Variants in TUSC3 observed in about 807,000 individuals in gnomAD.
TUSC3 encodes tumor suppressor candidate 3.
In TUSC3, 45 loss-of-function variants were observed where a neutral mutation model predicts 44.8. The observed-to-expected ratio is 1.00, with a 90% CI of 0.79 to 1.29. TUSC3 has a LOEUF of 1.29. Among genes scored for constraint, TUSC3 ranks in the 50% most tolerant of loss-of-function variants. The pLI is 0.00. For synonymous variants in TUSC3, 212 were observed against 152.9 expected (o/e 1.39, Z -2.85); for missense variants, 519 against 437.9 (o/e 1.19, Z -1.65).
At chr8:15,761,036 A>G (rs1812150655) in intron 10 of TUSC3, among the ~76,000 whole-genome samples, 1 of 152,098 alleles carries the variant, frequency 6.6e-6, no homozygotes, top group Admixed American at 6.6e-5. Flanking sequence ...CAGTCATTTC[A>G]TTTTCTGCAA....
chr8:15,727,452 C>A (rs997084170), intron 6 of TUSC3, among the ~76,000 whole-genome samples: 3 of 152,076 alleles, frequency 2.0e-5, no homozygotes, highest in Admixed American at 6.6e-5. Context: ...CCTATAACTG[C>A]TGGATTTCTG....
At chr8:15,821,148 G>A in the TUSC3 span, among the ~76,000 whole-genome samples, 2 of 151,992 alleles carry the variant, frequency 1.3e-5, no homozygotes, top group South Asian at 2.1e-4. Flanking sequence ...TCTGAAAAAT[G>A]TTTATGATGT....
Position 15,711,081 on chromosome 8 carries a change from A to G in TUSC3, c.799-19585A>G, listed in dbSNP as rs151227499. On this transcript the variant is annotated intron_variant, in intron 6 of 10. Coordinates refer to ENST00000503731, the MANE Select transcript of TUSC3 (RefSeq NM_006765.4). ...TGTCTCTGATAATGTAGACATTAAA[A>G]CAGTAGTCCCCAAACTACTACCTCC... Among the ~76,000 whole-genome samples the G allele has an allele frequency of 4.2e-3, 630 of 151,708 alleles. 5 individuals are homozygous for G. Among genetic ancestry groups the G allele is most frequent in the African/African-American group, 0.014 (597 of 41,450 alleles).
the TUSC3 span, among the ~76,000 whole-genome samples, chr8:15,850,929 T>A: frequency 6.6e-6 from 1 of 152,228 alleles, no homozygotes; most frequent in Non-Finnish European, 1.5e-5. Context: ...AGTGCTCCCC[T>A]ACACTGAGGA....
intron 1 of TUSC3, among the ~76,000 whole-genome samples, chr8:15,453,377 C>T (rs1051452057): frequency 4.6e-5 from 7 of 152,048 alleles, no homozygotes; most frequent in Admixed American, 3.9e-4. Flanking sequence ...GATGGCATTG[C>T]CTGCTTACTT....
At chr8:15,505,497 C>G (rs7017281) in intron 2 of TUSC3, among the ~76,000 whole-genome samples, 59,325 of 152,092 alleles carry the variant, frequency 0.39, 13,440 homozygotes, top group Non-Finnish European at 0.52. Flanking sequence ...CAGGGAACAT[C>G]TGTACGTTTT....
At position 15,594,284 on chromosome 8, in the gene TUSC3, A is replaced by AT. The variant is rs1803977189; in HGVS notation, c.139-28795dup. On this transcript the variant is annotated intron_variant, in intron 1 of 10. Coordinates refer to ENST00000503731, the MANE Select transcript of TUSC3 (RefSeq NM_006765.4). ...ATCTTTAGAAGTTTGGCTCTTTTTTATATCTGTATACTTAATGTCTTGAGC... is the reference window on the plus strand; with the variant it reads ...ATCTTTAGAAGTTTGGCTCTTTTTTATTATCTGTATACTTAATGTCTTGAGC... Among the ~76,000 whole-genome samples the AT allele has an allele frequency of 1.4e-4, 22 of 152,004 alleles. 1 individual carries two copies. The South Asian group carries it at 4.6e-3, about 32-fold the overall frequency.
rs1441178072 is a variant in TUSC3, at chr8:15,659,526, C to T, written c.446C>T (p.Pro149Leu). Residue 149 changes from proline to leucine, a missense_variant, in exon 4 of 11, where the codon CCT (proline) becomes CTT (leucine). By Grantham distance (98) the Pro-to-Leu change is moderately conservative. Transcript: ENST00000503731. ...VFQQLNMNSA[P>L]TFMHFPPKGR... ...TTACAGCTCAACATGAACTCTGCTC[C>T]TACATTCATGCATTTTCCTCCAAAA... 1 of 1,612,854 alleles carries T rather than the reference C, an allele frequency of 6.2e-7. No individual in the cohort carries two copies. Among genetic ancestry groups the T allele is most frequent in the East Asian group, 2.2e-5 (1 of 44,824 alleles).
chr8:15,738,769 A>G (rs181864473), intron 7 of TUSC3, among the ~76,000 whole-genome samples: 19 of 151,630 alleles, frequency 1.3e-4, no homozygotes, highest in African/African-American at 4.1e-4. Flanking sequence ...TACATATTAT[A>G]CAAACATATA....
chr8:15,835,597 T>A, the TUSC3 span, among the ~76,000 whole-genome samples: 1 of 152,252 alleles, frequency 6.6e-6, no homozygotes, highest in Admixed American at 6.5e-5. Flanking sequence ...GTTCAAGTTT[T>A]ATTTTATTGT....
intron 7 of TUSC3, among the ~76,000 whole-genome samples, chr8:15,737,199 G>A (rs1186936691): frequency 6.6e-6 from 1 of 151,896 alleles, no homozygotes; most frequent in Non-Finnish European, 1.5e-5. Context: ...AATGATAGAT[G>A]CAGTTGAAAA....
At chr8:15,584,426 A>G (rs1482476195) in intron 1 of TUSC3, among the ~76,000 whole-genome samples, 1 of 152,164 alleles carries the variant, frequency 6.6e-6, no homozygotes, top group Non-Finnish European at 1.5e-5. Flanking sequence ...TCATGCATTA[A>G]ATGAGTGCTA....
chr8:15,834,769 T>C, the TUSC3 span, among the ~76,000 whole-genome samples: 3 of 152,216 alleles, frequency 2.0e-5, no homozygotes, highest in Non-Finnish European at 4.4e-5. Flanking sequence ...TTAAGGTCAT[T>C]TCCTTTTCTT....
chr8:15,641,647 C>G (rs1806376428), intron 2 of TUSC3, among the ~76,000 whole-genome samples: 1 of 152,170 alleles, frequency 6.6e-6, no homozygotes, highest in South Asian at 2.1e-4. Context: ...AGAGAAATTA[C>G]TAGTATTGTC....
intron 2 of TUSC3, among the ~76,000 whole-genome samples, chr8:15,643,254 C>T (rs563814384): frequency 4.6e-5 from 7 of 152,278 alleles, no homozygotes; most frequent in South Asian, 2.1e-4. Flanking sequence ...TTGTAAATTA[C>T]GCTGTCTTGG....
At chr8:15,798,753 G>T in the TUSC3 span, among the ~76,000 whole-genome samples, 2 of 152,078 alleles carry the variant, frequency 1.3e-5, no homozygotes, top group Non-Finnish European at 2.9e-5. Flanking sequence ...GCCAACTAAG[G>T]CTTGACTGGC....
At chr8:15,493,023 T>G (rs1466096149) in intron 2 of TUSC3, among the ~76,000 whole-genome samples, 1 of 152,122 alleles carries the variant, frequency 6.6e-6, no homozygotes, top group African/African-American at 2.4e-5. Flanking sequence ...CTGATAATAG[T>G]GGCTACCACT....
At chr8:15,617,128 G>GTGTGTGTGTGTGTGTGTGTGTC (rs2129161650) in intron 1 of TUSC3, among the ~76,000 whole-genome samples, 1 of 74,102 alleles carries the variant, frequency 1.3e-5, no homozygotes, top group Non-Finnish European at 3.2e-5. Flanking sequence ...AAATGTGTGT[G>GTGTGTGTGTGTGTGTGTGTGTC]TGTGTATATA....
chr8:15,739,693 G>A (rs352753), intron 7 of TUSC3, among the ~76,000 whole-genome samples: 2,363 of 152,266 alleles, frequency 0.016, 20 homozygotes, highest in Middle Eastern at 0.034. Context: ...AAATGTATTT[G>A]AATGCTCTGT....
Sources: gnomAD v4.1 joint callset for allele counts (sites outside exome capture counted in the v4.1 genomes callset) on GRCh38, gnomAD v4.1.1 for gene constraint, MANE v1.5 for transcripts, NCBI Gene and HGNC (gene_info 2026-07-23, HGNC 2026-07-21) for gene names.